Variants in ADAMTSL1 observed in about 807,000 individuals in gnomAD.
ADAMTSL1 encodes the protein ADAMTS-like protein 1.
ADAMTSL1 carries 126 observed loss-of-function variants against 201.8 expected under a neutral mutation model. The ratio of observed to expected loss-of-function variants is 0.62; its 90% confidence interval spans 0.54 to 0.72. The LOEUF is 0.72. Ranked by LOEUF, ADAMTSL1 falls within the 30% of genes least tolerant of loss-of-function variation. ADAMTSL1 has a pLI of 0.00. For synonymous variants in ADAMTSL1, 1,121 were observed against 903.4 expected, an observed-to-expected ratio of 1.24 and a Z score of -4.32; for missense variants, 2,679 against 2,277.8, an observed-to-expected ratio of 1.18 and a Z score of -3.59.
At chr9:18,097,883 A>G (rs566983076) in intron 1 of ADAMTSL1, among the ~76,000 whole-genome samples, 2 of 151,256 alleles carry the variant, frequency 1.3e-5, no homozygotes, top group South Asian at 2.1e-4. Context: ...TTGAGTGTGT[A>G]TACTGAGAAA....
At chr9:18,509,443 C>CCACTAAT (rs1817895234) in intron 2 of ADAMTSL1, among the ~76,000 whole-genome samples, 1 of 152,116 alleles carries the variant, frequency 6.6e-6, no homozygotes, top group Non-Finnish European at 1.5e-5. Flanking sequence ...TGCATAAAAA[C>CCACTAAT]CACTAATCCT....
chr9:17,982,752 G>T (rs1209021721), intron 1 of ADAMTSL1, among the ~76,000 whole-genome samples: 1 of 152,064 alleles, frequency 6.6e-6, no homozygotes, highest in Non-Finnish European at 1.5e-5. Flanking sequence ...AAATATTAAA[G>T]GGAATCACCT....
At chr9:18,563,304 A>G (rs546566860) in intron 3 of ADAMTSL1, among the ~76,000 whole-genome samples, 1 of 152,100 alleles carries the variant, frequency 6.6e-6, no homozygotes, top group East Asian at 1.9e-4. Context: ...CTGGAGGTCC[A>G]CTCCAGACCC....
chr9:17,984,004 G>T (rs947413064), intron 1 of ADAMTSL1, among the ~76,000 whole-genome samples: 5 of 152,086 alleles, frequency 3.3e-5, no homozygotes, highest in African/African-American at 1.2e-4. Flanking sequence ...GATTTAATAA[G>T]AGATTTATAA....
intron 1 of ADAMTSL1, among the ~76,000 whole-genome samples, chr9:18,061,864 T>C (rs1822470178): frequency 6.6e-6 from 1 of 152,264 alleles, no homozygotes; most frequent in Admixed American, 6.5e-5. Context: ...TAGAAATACT[T>C]TGAATCACCA....
chr9:18,189,473 T>C (rs1286609716), intron 2 of ADAMTSL1, among the ~76,000 whole-genome samples: 1 of 152,158 alleles, frequency 6.6e-6, no homozygotes, highest in African/African-American at 2.4e-5. Context: ...AATTCTTATA[T>C]CAGGCCAGTT....
chr9:18,254,584 C>G (rs1244096414), intron 2 of ADAMTSL1, among the ~76,000 whole-genome samples: 2 of 151,522 alleles, frequency 1.3e-5, no homozygotes, highest in Non-Finnish European at 2.9e-5. Context: ...AGGATGGTCT[C>G]GATCTCCTGA....
chr9:18,888,620 C>A (rs560138027), intron 24 of ADAMTSL1, among the ~76,000 whole-genome samples: 2 of 152,300 alleles, frequency 1.3e-5, no homozygotes, highest in African/African-American at 4.8e-5. Context: ...CTGGCCTTCA[C>A]TGCACCAAGA....
chr9:18,774,304 G>C (rs1457456985), intron 17 of ADAMTSL1, among the ~76,000 whole-genome samples: 1 of 151,914 alleles, frequency 6.6e-6, no homozygotes, highest in Non-Finnish European at 1.5e-5. Flanking sequence ...CAAACCTCTT[G>C]TCTGAAAATT....
At chr9:18,346,728 T>C (rs1835734577) in intron 2 of ADAMTSL1, among the ~76,000 whole-genome samples, 1 of 152,170 alleles carries the variant, frequency 6.6e-6, no homozygotes, top group South Asian at 2.1e-4. Flanking sequence ...CAGAAATCTT[T>C]AGACGTTTTT....
At chr9:17,966,005 A>G (rs1817966216) in intron 1 of ADAMTSL1, among the ~76,000 whole-genome samples, 1 of 152,174 alleles carries the variant, frequency 6.6e-6, no homozygotes, top group South Asian at 2.1e-4. Flanking sequence ...AATAAAGCAA[A>G]CAAGCAAACG....
intron 2 of ADAMTSL1, among the ~76,000 whole-genome samples, chr9:18,217,386 C>T (rs939478295): frequency 6.6e-6 from 1 of 152,044 alleles, no homozygotes; most frequent in Non-Finnish European, 1.5e-5. Flanking sequence ...GCAAATGTTT[C>T]TTGAGGTGCC....
intron 1 of ADAMTSL1, among the ~76,000 whole-genome samples, chr9:18,061,853 A>G (rs1359422885): frequency 6.6e-6 from 1 of 152,230 alleles, no homozygotes; most frequent in East Asian, 1.9e-4. Flanking sequence ...ATCTCCCGTG[A>G]TAGAAATACT....
intron 21 of ADAMTSL1, among the ~76,000 whole-genome samples, chr9:18,824,599 G>C (rs1433369092): frequency 6.7e-6 from 1 of 149,322 alleles, no homozygotes; most frequent in Non-Finnish European, 1.5e-5. Context: ...GCAAAAACCA[G>C]CCCCAGCTCA....
At chr9:18,140,682 T>A (rs892141571) in intron 1 of ADAMTSL1, among the ~76,000 whole-genome samples, 1 of 152,286 alleles carries the variant, frequency 6.6e-6, no homozygotes, top group African/African-American at 2.4e-5. Context: ...TCATCATCAG[T>A]TCTGAGAATG....
intron 1 of ADAMTSL1, among the ~76,000 whole-genome samples, chr9:18,119,751 C>T (rs934084320): frequency 5.9e-5 from 9 of 152,164 alleles, no homozygotes; most frequent in Non-Finnish European, 1.2e-4. Flanking sequence ...GCGTGGAGGT[C>T]AGGGTGTATG....
intron 2 of ADAMTSL1, among the ~76,000 whole-genome samples, chr9:18,263,629 T>C (rs1265671010): frequency 1.3e-5 from 2 of 152,186 alleles, no homozygotes; most frequent in African/African-American, 4.8e-5. Context: ...CTACCCCAAT[T>C]CATATGTTGA....
intron 2 of ADAMTSL1, among the ~76,000 whole-genome samples, chr9:18,324,105 A>T (rs533808559): frequency 3.3e-5 from 5 of 152,336 alleles, no homozygotes; most frequent in Admixed American, 3.3e-4. Flanking sequence ...GTGTGATATT[A>T]TACTGAGAAG....
intron 1 of ADAMTSL1, among the ~76,000 whole-genome samples, chr9:17,983,064 C>CA (rs1818780312): frequency 1.1e-5 from 1 of 88,588 alleles, no homozygotes; most frequent in African/African-American, 4.3e-5. Flanking sequence ...TCTTTTCTTT[C>CA]TTTCTTTCTT....
Sources: allele counts gnomAD v4.1 joint callset (sites outside exome capture counted in the v4.1 genomes callset), GRCh38; gene constraint gnomAD v4.1.1; transcripts MANE v1.5; gene names NCBI Gene and HGNC (gene_info 2026-07-23, HGNC 2026-07-21).